The following ANO2 variants were observed in gnomAD, a reference collection of about 807,000 sequenced individuals.
ANO2 encodes the protein anoctamin 2, also known as anoctamin-2.
ANO2 carries 101 observed loss-of-function variants against 124.2 expected under a neutral mutation model. The observed-to-expected ratio is 0.81, with a 90% CI of 0.69 to 0.96. ANO2 has a LOEUF of 0.96. Ranked by LOEUF, ANO2 falls within the 40% of genes least tolerant of loss-of-function variation. ANO2 has a pLI of 0.00. For synonymous variants in ANO2, 486 were observed against 482.5 expected (o/e 1.01, Z -0.09); for missense variants, 1,293 against 1,274.5 (o/e 1.01, Z -0.22).
intron 15 of ANO2, among the ~76,000 whole-genome samples, chr12:5,647,141 T>C (rs1035383853): frequency 6.6e-6 from 1 of 152,248 alleles, no homozygotes; most frequent in Non-Finnish European, 1.5e-5. Context: ...CAAGGTCCTC[T>C]AGCTTCAGAT....
chr12:5,694,251 C>CAGAGACAG lies in ANO2; in HGVS notation c.1545+38268_1545+38269insCTGTCTCT, dbSNP rs1555137021. Among the ~76,000 whole-genome samples the CAGAGACAG allele has an allele frequency of 1.1e-4, 15 of 133,966 alleles. 1 individual carries two copies. The highest frequency in any genetic ancestry group is 2.6e-4 in the South Asian group (1 of 3,866). The allele number at this position is 133,966 out of a possible 152,430, so 87.9% of individuals were successfully genotyped here. A position where few individuals can be genotyped will look rare whatever the true frequency, so the allele number is the denominator to read the frequency against. Reference sequence around the variant, plus strand: ...CCTTAGCAGAAGGGTTTACCAGAGACAGAGAGAGAGAGAGAGAGAGAGAGA... The same window carrying CAGAGACAG: ...CCTTAGCAGAAGGGTTTACCAGAGACAGAGACAGAGAGAGAGAGAGAGAGAGAGAGAGA... On this transcript the variant is annotated intron_variant, in intron 14 of 24. Transcript: ENST00000682330.
chr12:5,803,296 C>T lies in ANO2; in HGVS notation c.990+2756G>A, dbSNP rs576388802. ...ACAGTAACATGAAAGTCGTGCAGCA[C>T]GGCAAAATGAATCCTCAGTTGGAAC... On this transcript the variant is annotated intron_variant, in intron 9 of 24. Coordinates refer to ENST00000682330, the MANE Select transcript of ANO2 (RefSeq NM_001364791.2). Among the ~76,000 whole-genome samples, 141 of 152,276 alleles carry T rather than the reference C, an allele frequency of 9.3e-4. 1 individual carries two copies. The highest frequency in any genetic ancestry group is 2.9e-3 in the African/African-American group (120 of 41,558).
intron 4 of ANO2, among the ~76,000 whole-genome samples, chr12:5,851,107 G>A (rs1481914291): frequency 2.6e-5 from 4 of 152,156 alleles, no homozygotes; most frequent in African/African-American, 4.8e-5. Flanking sequence ...GCAAAGTGGG[G>A]AGAGAAACCC....
rs115588726 is a variant in ANO2 at position 5,693,427 on chromosome 12, G to A, written c.1545+39093C>T. On this transcript the variant is annotated intron_variant, in intron 14 of 24. Coordinates refer to ENST00000682330, the MANE Select transcript of ANO2 (RefSeq NM_001364791.2). ...CACCTGAACCTGTCTCACCATCTCCGTGGCTCCTACCCTAGTTTGCGCCAC... is the reference window on the plus strand; with the variant it reads ...CACCTGAACCTGTCTCACCATCTCCATGGCTCCTACCCTAGTTTGCGCCAC... Among the ~76,000 whole-genome samples, 633 of 152,094 alleles carry A rather than the reference G, an allele frequency of 4.2e-3. 3 individuals carry two copies. Among genetic ancestry groups the A allele is most frequent in the African/African-American group, 0.015 (611 of 41,472 alleles).
At chr12:5,602,375 C>T (rs2136886809) in intron 19 of ANO2, among the ~76,000 whole-genome samples, 1 of 152,054 alleles carries the variant, frequency 6.6e-6, no homozygotes, top group South Asian at 2.1e-4. Flanking sequence ...CTCAGCCTCC[C>T]AAGTAGCTAG....
chr12:5,701,113 A>C (rs1403106677), intron 14 of ANO2, among the ~76,000 whole-genome samples: 1 of 7,436 alleles, frequency 1.3e-4, no homozygotes, highest in African/African-American at 3.9e-4. Flanking sequence ...TTTTTTTTTG[A>C]GACGAAGTCT....
intron 23 of ANO2, among the ~76,000 whole-genome samples, chr12:5,565,885 A>G (rs1273566669): frequency 6.6e-6 from 1 of 152,174 alleles, no homozygotes; most frequent in Non-Finnish European, 1.5e-5. Flanking sequence ...AATGTCCTAA[A>G]AAGACATTTC....
chr12:5,751,040 T>C, intron 10 of ANO2, 70 bp from the exon 11 acceptor site: 1 of 1,452,436 alleles, frequency 6.9e-7, no homozygotes, highest in Non-Finnish European at 9.3e-7. Flanking sequence ...TTCTGTTTGT[T>C]CTATGCCTAA....
At chr12:5,840,070 A>G (rs1308757522) in intron 4 of ANO2, among the ~76,000 whole-genome samples, 1 of 152,166 alleles carries the variant, frequency 6.6e-6, no homozygotes, top group African/African-American at 2.4e-5. Flanking sequence ...TATTAATACA[A>G]TCAGCAGTGG....
At chr12:5,583,924 C>A in intron 20 of ANO2, 1 of 221,752 alleles carries the variant, frequency 4.5e-6, no homozygotes, top group South Asian at 9.3e-5. Context: ...ACAGAGTGTG[C>A]CAGCTTCCTG....
chr12:5,670,788 C>G (rs1947961399), intron 14 of ANO2, among the ~76,000 whole-genome samples: 1 of 152,138 alleles, frequency 6.6e-6, no homozygotes, highest in Admixed American at 6.5e-5. Context: ...GATCCTCCTG[C>G]TTCAGCCTCC....
chr12:5,699,306 G>T (rs539155651), intron 14 of ANO2, among the ~76,000 whole-genome samples: 1 of 152,292 alleles, frequency 6.6e-6, no homozygotes, highest in Non-Finnish European at 1.5e-5. Context: ...TTAAAGAAAA[G>T]AATTTTCAAC....
chr12:5,773,343 G>C (rs1014395819), intron 10 of ANO2, among the ~76,000 whole-genome samples: 1 of 152,184 alleles, frequency 6.6e-6, no homozygotes, highest in Non-Finnish European at 1.5e-5. Flanking sequence ...AAGGGGTCAG[G>C]GGAGTTAGAA....
intron 20 of ANO2, among the ~76,000 whole-genome samples, chr12:5,587,168 G>T (rs1012447055): frequency 6.6e-6 from 1 of 152,130 alleles, no homozygotes; most frequent in Non-Finnish European, 1.5e-5. Flanking sequence ...CTTACTGTAC[G>T]CCAGGCCTTG....
At chr12:5,756,751 G>A (rs1213301661) in intron 10 of ANO2, among the ~76,000 whole-genome samples, 1 of 152,248 alleles carries the variant, frequency 6.6e-6, no homozygotes, top group Non-Finnish European at 1.5e-5. Context: ...CAGAGATTCT[G>A]TTGAGATCTG....
intron 16 of ANO2, among the ~76,000 whole-genome samples, chr12:5,626,937 A>G (rs1015785071): frequency 2.6e-5 from 4 of 152,160 alleles, no homozygotes; most frequent in Non-Finnish European, 5.9e-5. Context: ...TCCAAAGAGA[A>G]AGACAGGAAG....
intron 10 of ANO2, among the ~76,000 whole-genome samples, chr12:5,776,718 A>G (rs939058155): frequency 6.6e-6 from 1 of 152,202 alleles, no homozygotes; most frequent in Non-Finnish European, 1.5e-5. Context: ...ATTTTAACGT[A>G]AGGACTAGAG....
chr12:5,721,298 G>A (rs1356807467), intron 14 of ANO2, among the ~76,000 whole-genome samples: 2 of 152,168 alleles, frequency 1.3e-5, no homozygotes, highest in South Asian at 2.1e-4. Context: ...GTCCGTGGGA[G>A]GCCCAAAGAG....
intron 12 of ANO2, among the ~76,000 whole-genome samples, chr12:5,743,118 T>G (rs1293513563): frequency 2.6e-5 from 4 of 151,700 alleles, no homozygotes; most frequent in Non-Finnish European, 5.9e-5. Context: ...GGAGGAAGGT[T>G]GTGTTCTAGT....
Sources: allele counts gnomAD v4.1 joint callset (sites outside exome capture counted in the v4.1 genomes callset), GRCh38; gene constraint gnomAD v4.1.1; transcripts MANE v1.5; gene names NCBI Gene and HGNC (gene_info 2026-07-23, HGNC 2026-07-21).